Variants in CLVS1 observed in about 807,000 individuals in gnomAD.
CLVS1 encodes clavesin-1.
A neutral mutation model predicts 33.1 loss-of-function variants in CLVS1; 10 were observed. That is an observed-to-expected ratio of 0.30 (90% CI 0.19 to 0.51). The LOEUF (loss-of-function observed/expected upper bound fraction) is 0.51. Among genes scored for constraint, CLVS1 ranks in the 20% least tolerant of loss-of-function variants. CLVS1 has a pLI of 0.97. For synonymous variants in CLVS1, 163 were observed against 166.1 expected, an observed-to-expected ratio of 0.98 and a Z score of 0.14; for missense variants, 343 against 433.4, an observed-to-expected ratio of 0.79 and a Z score of 1.85.
At chr8:61,108,340 T>C (rs1805573950) in intron 1 of CLVS1, among the ~76,000 whole-genome samples, 1 of 152,110 alleles carries the variant, frequency 6.6e-6, no homozygotes, top group African/African-American at 2.4e-5. Context: ...CCTTGTACAA[T>C]GAAATGAGTG....
chr8:61,023,605 G>GT, the CLVS1 span, among the ~76,000 whole-genome samples: 3 of 152,344 alleles, frequency 2.0e-5, no homozygotes, highest in African/African-American at 4.8e-5. Context: ...TAGGATTTAT[G>GT]TTTTTTATGA....
chr8:60,993,689 A>G, the CLVS1 span, among the ~76,000 whole-genome samples: 3 of 152,108 alleles, frequency 2.0e-5, no homozygotes, highest in Admixed American at 6.5e-5. Flanking sequence ...GTCAGCCCTA[A>G]CGTGACCCAT....
At chr8:61,206,749 C>T (rs1464080435) in intron 2 of CLVS1, among the ~76,000 whole-genome samples, 1 of 151,976 alleles carries the variant, frequency 6.6e-6, no homozygotes, top group Non-Finnish European at 1.5e-5. Context: ...CCACCACGCC[C>T]AGCTAATTTT....
At chr8:61,396,742 T>C in intron 3 of CLVS1, among the ~76,000 whole-genome samples, 1 of 152,220 alleles carries the variant, frequency 6.6e-6, no homozygotes, top group East Asian at 1.9e-4. Flanking sequence ...ACTTTCTGTT[T>C]CTACAGATTT....
At chr8:61,020,895 AG>A in the CLVS1 span, among the ~76,000 whole-genome samples, 94 of 152,278 alleles carry the variant, frequency 6.2e-4, no homozygotes, top group African/African-American at 2.2e-3. Flanking sequence ...GGATATCTGA[AG>A]TTTAGGATTT....
chr8:61,345,311 C>A (rs145920719), intron 2 of CLVS1, among the ~76,000 whole-genome samples: 1 of 152,090 alleles, frequency 6.6e-6, no homozygotes, highest in Non-Finnish European at 1.5e-5. Context: ...CTTATGAAAA[C>A]TCCTTATAAA....
In CLVS1 at chr8:61,299,742, A is replaced by G. The variant is rs1265016132; in HGVS notation, c.-86A>G. 3.0e-6 allele frequency: 3 copies of G among 986,990 alleles called. No individual in the cohort carries two copies. The highest frequency in any genetic ancestry group is 3.0e-6 in the Non-Finnish European group (2 of 663,134). 61.1% of individuals were successfully genotyped at this position (986,990 alleles called of 1,614,324 possible). A position where few individuals can be genotyped will look rare whatever the true frequency, so the allele number is the denominator to read the frequency against. On this transcript the variant is annotated 5_prime_UTR_variant, in exon 2 of 6. Coordinates refer to ENST00000325897, the MANE Select transcript of CLVS1 (RefSeq NM_173519.3). Reference sequence around the variant, plus strand: ...CCACCACATAGGGCCTGAATGTGAAAGAAGACCCTCTATTTGTCTGTTCCG... The same window carrying G: ...CCACCACATAGGGCCTGAATGTGAAGGAAGACCCTCTATTTGTCTGTTCCG...
chr8:61,164,154 C>T (rs1806808658), intron 2 of CLVS1, among the ~76,000 whole-genome samples: 1 of 152,186 alleles, frequency 6.6e-6, no homozygotes, highest in African/African-American at 2.4e-5. Flanking sequence ...CCTGATTTGT[C>T]TGGCGTGAAC....
Position 61,409,730 on chromosome 8 carries a change from G to A in CLVS1, c.630+32951G>A, listed in dbSNP as rs577720735. Among the ~76,000 whole-genome samples the A allele has an allele frequency of 4.6e-4, 70 of 152,178 alleles. No homozygotes were observed. The Middle Eastern group carries it at 0.014, about 30-fold the overall frequency. ...TGGGTAAGTCCATGGTTGGGGGGAC[G>A]GTGCGCTAAAGTATCCTCTACTGCC... On this transcript the variant is annotated intron_variant, in intron 3 of 5. Transcript: ENST00000325897.
At chr8:61,418,328 C>G (rs1011943102) in intron 3 of CLVS1, among the ~76,000 whole-genome samples, 1 of 151,874 alleles carries the variant, frequency 6.6e-6, no homozygotes, top group South Asian at 2.1e-4. Context: ...TAATGAGACC[C>G]CAACTCAAAA....
chr8:61,269,613 G>C (rs958026912), intron 2 of CLVS1, among the ~76,000 whole-genome samples: 1 of 150,998 alleles, frequency 6.6e-6, no homozygotes, highest in African/African-American at 2.4e-5. Context: ...TGGGCAGTAT[G>C]GCCATTTTCA....
At chr8:61,416,297 GCTAGCTAGATAC>G (rs1321609425) in intron 3 of CLVS1, among the ~76,000 whole-genome samples, 3,944 of 149,892 alleles carry the variant, frequency 0.026, 163 homozygotes, top group African/African-American at 0.091. Context: ...TAGCTAGCTA[GCTAGCTAGATAC>G]ATACATACAT....
the CLVS1 span, among the ~76,000 whole-genome samples, chr8:60,978,182 G>A: frequency 6.6e-6 from 1 of 152,324 alleles, no homozygotes; most frequent in African/African-American, 2.4e-5. Flanking sequence ...AAGGACAGTA[G>A]ATATTAATAG....
chr8:61,023,660 C>G, the CLVS1 span, among the ~76,000 whole-genome samples: 1 of 152,154 alleles, frequency 6.6e-6, no homozygotes, highest in East Asian at 1.9e-4. Flanking sequence ...GTGGCGGGCC[C>G]GGTGAGTCGC....
At chr8:61,453,329 G>A (rs1817030576) in intron 3 of CLVS1, among the ~76,000 whole-genome samples, 1 of 152,096 alleles carries the variant, frequency 6.6e-6, no homozygotes, top group African/African-American at 2.4e-5. Context: ...TTAGCACCGA[G>A]AGCAGCTTCC....
intron 2 of CLVS1, among the ~76,000 whole-genome samples, chr8:61,175,065 T>G (rs192090803): frequency 7.2e-5 from 11 of 152,332 alleles, no homozygotes; most frequent in African/African-American, 2.6e-4. Context: ...CTCTACTTAG[T>G]AAGTCATAGA....
chr8:61,160,254 C>A (rs1013958705), intron 2 of CLVS1, among the ~76,000 whole-genome samples: 2 of 152,106 alleles, frequency 1.3e-5, no homozygotes, highest in Non-Finnish European at 2.9e-5. Flanking sequence ...GAAATCAGTA[C>A]CAATATTAAG....
At chr8:61,308,539 C>T (rs1045447735) in intron 2 of CLVS1, among the ~76,000 whole-genome samples, 2 of 152,128 alleles carry the variant, frequency 1.3e-5, no homozygotes, top group African/African-American at 4.8e-5. Flanking sequence ...GCAGGGGGAG[C>T]TGCTCAATGT....
At chr8:61,362,908 G>A (rs905327126) in intron 2 of CLVS1, among the ~76,000 whole-genome samples, 14 of 152,132 alleles carry the variant, frequency 9.2e-5, no homozygotes, top group African/African-American at 3.4e-4. Context: ...TAAGACTCCC[G>A]ATTTCTGAAT....
Sources: allele counts gnomAD v4.1 joint callset (sites outside exome capture counted in the v4.1 genomes callset), GRCh38; gene constraint gnomAD v4.1.1; transcripts MANE v1.5; gene names NCBI Gene and HGNC (gene_info 2026-07-23, HGNC 2026-07-21).